The following ADRA1B variants were observed in gnomAD, a reference collection of about 807,000 sequenced individuals.
ADRA1B encodes alpha-1B adrenergic receptor.
Under a neutral mutation model 17.9 loss-of-function variants are expected in ADRA1B, and 17 were observed. The ratio of observed to expected loss-of-function variants is 0.95; its 90% CI spans 0.65 to 1.42. The LOEUF (loss-of-function observed/expected upper bound fraction) is 1.42, where lower values mean the gene tolerates loss of function less well. Ranked by LOEUF, ADRA1B falls within the 40% of genes most tolerant of loss-of-function variation. The probability of loss-of-function intolerance (pLI) is 0.00; values close to 1 mark genes in which losing one functional copy is unlikely to be tolerated. For synonymous variants in ADRA1B, 366 were observed against 327.6 expected, an observed-to-expected ratio of 1.12 and a Z score of -1.27; for missense variants, 681 against 722.1, an observed-to-expected ratio of 0.94 and a Z score of 0.65.
chr5:159,973,706 C>G (rs1484900971), downstream of ADRA1B, among the ~76,000 whole-genome samples: 1 of 152,162 alleles, frequency 6.6e-6, no homozygotes. Context: ...GTGGAGCATT[C>G]TTTGGAGTCG....
At chr5:159,929,196 A>G (rs1480549718) in intron 1 of ADRA1B, 1 of 152,250 alleles carries the variant, frequency 6.6e-6, no homozygotes, top group Non-Finnish European at 1.5e-5. Flanking sequence ...AATTTATTAT[A>G]GAGTAAAAAA....
chr5:159,872,661 T>C (rs1753759252), intron 1 of ADRA1B, among the ~76,000 whole-genome samples: 1 of 152,082 alleles, frequency 6.6e-6, no homozygotes, highest in African/African-American at 2.4e-5. Flanking sequence ...CATAGAAATT[T>C]CACTTGCTTT....
At chr5:159,927,943 T>C (rs1754707016) in intron 1 of ADRA1B, among the ~76,000 whole-genome samples, 1 of 152,234 alleles carries the variant, frequency 6.6e-6, no homozygotes, top group Non-Finnish European at 1.5e-5. Context: ...GCAGGAGTTT[T>C]GCAAATGTGG....
At chr5:159,923,512 C>T (rs1322196541) in intron 1 of ADRA1B, among the ~76,000 whole-genome samples, 1 of 152,220 alleles carries the variant, frequency 6.6e-6, no homozygotes, top group Non-Finnish European at 1.5e-5. Flanking sequence ...CCTGGGGTTT[C>T]TAAGTAGATG....
the ADRA1B span, among the ~76,000 whole-genome samples, chr5:159,980,578 G>A: frequency 6.6e-6 from 1 of 152,172 alleles, no homozygotes; most frequent in Non-Finnish European, 1.5e-5. Context: ...CTACTTGCCA[G>A]CTATGTGGTC....
chr5:159,939,524 T>C (rs886148047), intron 1 of ADRA1B, among the ~76,000 whole-genome samples: 6 of 151,950 alleles, frequency 3.9e-5, no homozygotes, highest in Non-Finnish European at 5.9e-5. Context: ...ACCTACCCCA[T>C]CTCCCAAGAT....
rs751944506 is a variant in ADRA1B at position 159,917,462 on chromosome 5, A to G, written c.557A>G (p.Glu186Gly). The stretch of plus-strand genomic sequence containing the variant: ...ATCGGGCCTCTCCTTGGGTGGAAGG[A>G]GCCGGCACCCAACGATGACAAGGAG... ...ISIGPLLGWK[E>G]PAPNDDKECG... Residue 186 changes from glutamate (E) to glycine (G), a missense_variant, in exon 1 of 2, where the codon GAG becomes GGG. Physicochemically the swap from Glu to Gly is moderately conservative, Grantham distance 98. This residue lies in a region of ADRA1B where 424 missense variants were observed against 480.2 expected (regional missense o/e 0.88). Transcript: ENST00000306675. The G allele has an allele frequency of 9.3e-6, 15 of 1,614,010 alleles. 1 individual carries two copies. Among genetic ancestry groups the G allele is most frequent in the Non-Finnish European group, 3.4e-6 (4 of 1,180,022 alleles).
At chr5:159,946,899 G>T (rs1755287396) in intron 1 of ADRA1B, among the ~76,000 whole-genome samples, 1 of 152,214 alleles carries the variant, frequency 6.6e-6, no homozygotes, top group African/African-American at 2.4e-5. Context: ...TCAGGGCTTT[G>T]TCCAGAAGAC....
At chr5:159,922,676 C>A (rs575231687) in intron 1 of ADRA1B, among the ~76,000 whole-genome samples, 20 of 151,946 alleles carry the variant, frequency 1.3e-4, no homozygotes, top group Non-Finnish European at 2.6e-4. Context: ...GTCAGCCACC[C>A]CAACCAAAAG....
At chr5:159,933,795 C>T (rs529233069) in intron 1 of ADRA1B, among the ~76,000 whole-genome samples, 4 of 152,316 alleles carry the variant, frequency 2.6e-5, no homozygotes, top group East Asian at 1.9e-4. Flanking sequence ...CCAGGACTGA[C>T]GTCCCAATTT....
In ADRA1B at chr5:159,928,363, G is replaced by A. The variant is rs1048790557; in HGVS notation, c.949+10509G>A. Among the ~76,000 whole-genome samples, 38 of 152,018 alleles carry A rather than the reference G, an allele frequency of 2.5e-4. 1 individual carries two copies. Among genetic ancestry groups the A allele is most frequent in the Admixed American group, 2.0e-3 (31 of 15,266 alleles). On this transcript the variant is annotated intron_variant, in intron 1 of 1. Transcript: ENST00000306675. ...CAGGCTCTGCTCTTACGACTCTATT[G>A]ACAGCACACTCCTGGCCACACTCAC...
chr5:159,924,837 A>G (rs767579595), intron 1 of ADRA1B, among the ~76,000 whole-genome samples: 1 of 152,258 alleles, frequency 6.6e-6, no homozygotes, highest in African/African-American at 2.4e-5. Flanking sequence ...ATGTTTCTGC[A>G]GTCACTGTGC....
At chr5:159,900,236 A>C (rs1754087619) in intron 1 of ADRA1B, among the ~76,000 whole-genome samples, 1 of 152,222 alleles carries the variant, frequency 6.6e-6, no homozygotes, top group Non-Finnish European at 1.5e-5. Context: ...TACCAGAAGC[A>C]CTTTGGAATC....
the ADRA1B span, among the ~76,000 whole-genome samples, chr5:159,985,544 A>T: frequency 1.3e-5 from 2 of 152,232 alleles, no homozygotes; most frequent in Non-Finnish European, 2.9e-5. Flanking sequence ...GTTTATAAGC[A>T]TCTCTGTTCA....
At chr5:159,893,156 T>C (rs1205294360) in intron 1 of ADRA1B, among the ~76,000 whole-genome samples, 1 of 152,192 alleles carries the variant, frequency 6.6e-6, no homozygotes, top group Non-Finnish European at 1.5e-5. Flanking sequence ...CTGGAACTTA[T>C]ATTCTTTGAA....
At chr5:159,926,231 G>T (rs1002110900) in intron 1 of ADRA1B, among the ~76,000 whole-genome samples, 6 of 152,052 alleles carry the variant, frequency 3.9e-5, no homozygotes, top group African/African-American at 1.2e-4. Context: ...TGAATATCCA[G>T]TTCCTGCTCG....
chr5:159,963,522 T>C (rs575684347), intron 1 of ADRA1B, among the ~76,000 whole-genome samples: 40 of 152,250 alleles, frequency 2.6e-4, no homozygotes, highest in African/African-American at 8.7e-4. Flanking sequence ...GACACAGTCA[T>C]CAAGAATTGT....
At chr5:159,895,639 T>G (rs1355003166) in intron 1 of ADRA1B, among the ~76,000 whole-genome samples, 1 of 152,238 alleles carries the variant, frequency 6.6e-6, no homozygotes, top group East Asian at 1.9e-4. Flanking sequence ...CTGCACATCC[T>G]GCACATGTAC....
the ADRA1B span, among the ~76,000 whole-genome samples, chr5:159,983,113 TC>T: frequency 1.7e-4 from 26 of 152,220 alleles, no homozygotes; most frequent in African/African-American, 6.3e-4. Context: ...GTAACCACCT[TC>T]CTTCCCCTTC....
Sources: allele counts gnomAD v4.1 joint callset (sites outside exome capture counted in the v4.1 genomes callset), GRCh38; gene constraint gnomAD v4.1.1; regional missense constraint gnomAD v4.1.1; transcripts MANE v1.5; gene names NCBI Gene and HGNC (gene_info 2026-07-23, HGNC 2026-07-21).